PXN: variants seen among roughly 807,000 people sequenced by gnomAD.
PXN encodes testicular tissue protein Li 134.
PXN carries 61 observed loss-of-function variants against 103.6 expected under a neutral mutation model. The observed-to-expected ratio is 0.59, with a 90% CI of 0.48 to 0.73. The LOEUF (loss-of-function observed/expected upper bound fraction) is 0.73. Ranked by LOEUF, PXN falls within the 30% of genes least tolerant of loss-of-function variation. The pLI, the probability that PXN is intolerant of heterozygous loss-of-function variation, is 0.00. For missense variants in PXN, 1,274 were observed against 1,460.3 expected (o/e 0.87, Z 2.08); for synonymous variants, 562 against 607.8 (o/e 0.92, Z 1.11).
At position 120,221,585 on chromosome 12, in the gene PXN, G is replaced by C; in HGVS notation, c.831+38C>G. On this transcript the variant is annotated intron_variant, in intron 6 of 14. Transcript: ENST00000637617. This position sits in a 1 kb window ranked among gnomAD's most constrained non-coding sequence, Gnocchi z 6.6. ...TAAGGGAGGAGAAGGATGAGGGAGG[G>C]GCGGCAGGGCAGGGAAGATGGAGGG... is the stretch of plus-strand genomic sequence containing the variant. 1.3e-6 allele frequency: 2 copies of C among 1,538,276 alleles called. No individual in the cohort carries two copies. The highest frequency in any genetic ancestry group is 2.4e-5 in the South Asian group (2 of 82,550).
At chr12:120,252,331 G>A (rs982674476) in intron 1 of PXN, among the ~76,000 whole-genome samples, 1 of 152,124 alleles carries the variant, frequency 6.6e-6, no homozygotes, top group Non-Finnish European at 1.5e-5. Context: ...GGGCAGAGCG[G>A]GAGACAGAAG....
At chr12:120,247,759 C>G (rs1368780999) in intron 1 of PXN, 3 of 153,158 alleles carry the variant, frequency 2.0e-5, no homozygotes, top group African/African-American at 7.2e-5. Context: ...CTGTACTGAG[C>G]TGAGATTCAA....
In PXN at chr12:120,219,270, C is replaced by A. The variant is rs1271573539; in HGVS notation, c.1653G>T (p.Glu551Asp). The stretch of plus-strand genomic sequence containing the variant: ...TGCCCATGGCCATGGCACATGGAAG[C>A]TCTGGCTGTTCCTTCCCGTCCTGGG... The part of the protein sequence containing the change: ...AATQDGKEQP[E>D]LPCAMAMGTP... The change falls in exon 7 of 15, where the codon GAG (glutamate) becomes GAT (aspartate). Residue 551 changes from glutamate to aspartate, a missense_variant. Glu to Asp is a conservative substitution (Grantham distance 45). Coordinates refer to ENST00000637617, the MANE Select transcript of PXN (RefSeq NM_001385981.1). This position sits in a 1 kb window ranked among gnomAD's most constrained non-coding sequence, Gnocchi z 6.5. The A allele has an allele frequency of 1.3e-6, 2 of 1,598,364 alleles. No individual in the cohort carries two copies. The highest frequency in any genetic ancestry group is 1.7e-6 in the Non-Finnish European group (2 of 1,179,748).
chr12:120,254,304 C>T (rs1010700449), intron 1 of PXN, among the ~76,000 whole-genome samples: 1 of 152,132 alleles, frequency 6.6e-6, no homozygotes, highest in African/African-American at 2.4e-5. Context: ...AGCAGATACA[C>T]GAGATGCACA....
At position 120,212,110 on chromosome 12, in the gene PXN, G is replaced by A. The variant is rs1266561471; in HGVS notation, c.*204C>T. ...GGGCAGCCTAGGGAGAGCTACAGGAGGGAGGAGGGGGCCCAGAGGCTCTGG... is the reference window on the plus strand; with the variant it reads ...GGGCAGCCTAGGGAGAGCTACAGGAAGGAGGAGGGGGCCCAGAGGCTCTGG... On this transcript the variant is annotated 3_prime_UTR_variant, in exon 15 of 15. Coordinates refer to ENST00000637617, the MANE Select transcript of PXN (RefSeq NM_001385981.1). This position sits in a 1 kb window ranked among gnomAD's most constrained non-coding sequence, Gnocchi z 7.2. 1.2e-6 allele frequency: 1 copy of A among 805,564 alleles called. No homozygotes were observed. The highest frequency in any genetic ancestry group is 2.1e-6 in the Non-Finnish European group (1 of 467,120). 49.9% of individuals were successfully genotyped at this position (805,564 alleles called of 1,614,324 possible).
At chr12:120,253,533 A>C (rs1892539453) in intron 1 of PXN, among the ~76,000 whole-genome samples, 1 of 152,210 alleles carries the variant, frequency 6.6e-6, no homozygotes, top group Non-Finnish European at 1.5e-5. Context: ...GACCCACCCA[A>C]GGTGCAGGTT....
chr12:120,213,245 G>C lies in PXN; in HGVS notation c.2979+597C>G, dbSNP rs1212089862. The C allele has an allele frequency of 2.6e-5, 4 of 152,984 alleles. No individual in the cohort carries two copies. Among genetic ancestry groups the C allele is most frequent in the African/African-American group, 7.2e-5 (3 of 41,440 alleles). The allele number at this position is 152,984 out of a possible 1,614,324, so 9.5% of individuals were successfully genotyped here. A position where few individuals can be genotyped will look rare whatever the true frequency, so the allele number is the denominator to read the frequency against. ...AATACAAAAAATTAGCCAGGCATGG[G>C]GGCGTGTGCCTGTAATCTCAGCTAC... On this transcript the variant is annotated intron_variant, in intron 14 of 14. Transcript: ENST00000637617. The surrounding 1 kb of genome is among the most constrained non-coding windows in gnomAD (Gnocchi z 4.2).
intron 1 of PXN, among the ~76,000 whole-genome samples, chr12:120,262,719 G>A (rs1281537567): frequency 2.0e-5 from 3 of 152,132 alleles, no homozygotes; most frequent in East Asian, 3.8e-4. Flanking sequence ...GCAAGCAATC[G>A]GGTTAGAAAA....
At position 120,224,275 on chromosome 12, in the gene PXN, G is replaced by A. The variant is rs375818119; in HGVS notation, c.116C>T (p.Thr39Ile). Residue 39 changes from threonine (T) to isoleucine (I), a missense_variant, in exon 2 of 15, where the codon ACA (threonine) becomes ATA (isoleucine). Physicochemically the swap from Thr to Ile is moderately conservative, Grantham distance 89. Transcript: ENST00000637617. The surrounding 1 kb of genome is among the most constrained non-coding windows in gnomAD (Gnocchi z 5.0). ...GGGTGGCACGGCAATCTCCTGGTAT[G>A]TGTGGTTTCCAGTTGGGTATGAGTA... ...TPYSYPTGNHTYQEIAVPPPV... is the reference protein window; with the variant it reads ...TPYSYPTGNHIYQEIAVPPPV... The A allele has an allele frequency of 8.7e-6, 14 of 1,613,720 alleles. 1 individual carries two copies. In the African/African-American group the frequency reaches 1.5e-4, roughly 17 times the overall value.
rs931671217 is a variant in PXN, at chr12:120,215,422, A to C, written c.2403+138T>G. Reference sequence around the variant, plus strand: ...CTCCTCCAGGGGCCAGGAGCCCTAAAGTGGGAGTGACGTCAGCAGGACTCC... The same window carrying C: ...CTCCTCCAGGGGCCAGGAGCCCTAACGTGGGAGTGACGTCAGCAGGACTCC... On this transcript the variant is annotated intron_variant, in intron 10 of 14. Coordinates refer to ENST00000637617, the MANE Select transcript of PXN (RefSeq NM_001385981.1). This position sits in a 1 kb window ranked among gnomAD's most constrained non-coding sequence, Gnocchi z 4.9. The C allele has an allele frequency of 6.9e-7, 1 of 1,451,280 alleles. No individual in the cohort carries two copies. The highest frequency in any genetic ancestry group is 2.5e-5 in the East Asian group (1 of 40,094). 89.9% of individuals were successfully genotyped at this position (1,451,280 alleles called of 1,614,324 possible).
chr12:120,237,357 C>A (rs1404853091), intron 1 of PXN, among the ~76,000 whole-genome samples: 1 of 152,098 alleles, frequency 6.6e-6, no homozygotes, highest in Non-Finnish European at 1.5e-5. Flanking sequence ...TAGGGTTTCA[C>A]CATGTTGGCC....
chr12:120,263,257 G>C (rs767594181), intron 1 of PXN, among the ~76,000 whole-genome samples: 1 of 152,210 alleles, frequency 6.6e-6, no homozygotes, highest in Non-Finnish European at 1.5e-5. Context: ...CGGGGCCCCA[G>C]TGCAAAGGCA....
Position 120,224,452 on chromosome 12 carries a change from C to T in PXN, c.14-75G>A. ...TCTCCCGTGGCAGGGCCCTCCCTGC[C>T]TGCACCTCAAGAGTTAATGCCTTCT... On this transcript the variant is annotated intron_variant, in intron 1 of 14. Transcript: ENST00000637617. The surrounding 1 kb of genome is among the most constrained non-coding windows in gnomAD (Gnocchi z 5.0). The T allele has an allele frequency of 9.3e-7, 1 of 1,075,944 alleles. No individual in the cohort carries two copies. Among genetic ancestry groups the T allele is most frequent in the Non-Finnish European group, 1.4e-6 (1 of 693,538 alleles). The allele number at this position is 1,075,944 out of a possible 1,614,324, so 66.6% of individuals were successfully genotyped here.
Position 120,219,322 on chromosome 12 carries a change from C to A in PXN, c.1601G>T (p.Ser534Ile), listed in dbSNP as rs757213292. 6 of 1,598,448 alleles carry A rather than the reference C, an allele frequency of 3.8e-6. No homozygotes were observed. Among genetic ancestry groups the A allele is most frequent in the Non-Finnish European group, 5.1e-6 (6 of 1,179,810 alleles). The change falls in exon 7 of 15, where the codon AGC becomes ATC. Residue 534 changes from serine to isoleucine, a missense_variant. Physicochemically the swap from Ser to Ile is moderately radical, Grantham distance 142. Around this residue, in one of 2 missense-constraint regions of PXN, gnomAD observed 1,178 missense variants for 1,309.0 expected, o/e 0.90. Coordinates refer to ENST00000637617, the MANE Select transcript of PXN (RefSeq NM_001385981.1). This position sits in a 1 kb window ranked among gnomAD's most constrained non-coding sequence, Gnocchi z 6.5. Reference sequence around the variant, plus strand: ...GGCAGCTTCCGTGGTGCCCTCTGGGCTCCTTGGGGTTTCAGGTCCCTGGGT... The same window carrying A: ...GGCAGCTTCCGTGGTGCCCTCTGGGATCCTTGGGGTTTCAGGTCCCTGGGT... The part of the protein sequence containing the change: ...RPTQGPETPR[S>I]PEGTTEAATQ...
intron 1 of PXN, among the ~76,000 whole-genome samples, chr12:120,241,879 G>C (rs1890209816): frequency 6.6e-6 from 1 of 152,218 alleles, no homozygotes; most frequent in Non-Finnish European, 1.5e-5. Context: ...GGAGATCAGA[G>C]GGAGGCAGGG....
intron 1 of PXN, among the ~76,000 whole-genome samples, chr12:120,249,507 T>A (rs1891800321): frequency 2.0e-5 from 3 of 152,124 alleles, no homozygotes; most frequent in Admixed American, 6.5e-5. Context: ...CAATTGCCAG[T>A]GATCAGCCAA....
intron 1 of PXN, chr12:120,249,942 G>A (rs1217163756): frequency 7.1e-6 from 7 of 985,360 alleles, no homozygotes; most frequent in Non-Finnish European, 8.4e-6. Flanking sequence ...CACATCCACT[G>A]CTTGGGACAG....
At chr12:120,255,801 T>A (rs1399096330) in intron 1 of PXN, among the ~76,000 whole-genome samples, 11 of 151,762 alleles carry the variant, frequency 7.2e-5, no homozygotes. Flanking sequence ...ATTCCAACAC[T>A]TTGGGAGGCC....
At position 120,215,615 on chromosome 12, in the gene PXN, G is replaced by A; in HGVS notation, c.2348C>T (p.Ala783Val). 1 of 1,611,308 alleles carries A rather than the reference G, an allele frequency of 6.2e-7. No homozygotes were observed. The highest frequency in any genetic ancestry group is 8.5e-7 in the Non-Finnish European group (1 of 1,178,888). The change falls in exon 10 of 15, where the codon GCC becomes GTC. Residue 783 changes from alanine to valine, a missense_variant. This residue lies in a region of PXN where 1,178 missense variants were observed against 1,309.0 expected (regional missense o/e 0.90). Transcript: ENST00000637617. This position sits in a 1 kb window ranked among gnomAD's most constrained non-coding sequence, Gnocchi z 4.9. ...CCGCCCGCCGTCCCGAGGCCAGCCG[G>A]CCGCCCAGCACCGCTCCCCATCCGC... ...QRADGERCWA[A>V]GWPRDGGRSS...
Sources: gnomAD v4.1 joint callset for allele counts (sites outside exome capture counted in the v4.1 genomes callset) on GRCh38, gnomAD v4.1.1 for gene constraint, gnomAD v4.1.1 regional missense constraint, Gnocchi (gnomAD v3.1) non-coding constraint, MANE v1.5 for transcripts, NCBI Gene and HGNC (gene_info 2026-07-23, HGNC 2026-07-21) for gene names.